The following VWA8 variants were observed in gnomAD, a reference collection of about 807,000 sequenced individuals.
VWA8 encodes the protein von Willebrand factor A domain-containing protein 8.
A neutral mutation model predicts 241.5 loss-of-function variants in VWA8; 221 were observed. That is an observed-to-expected ratio of 0.91 (90% CI 0.82 to 1.02). The LOEUF (loss-of-function observed/expected upper bound fraction) is 1.02, where lower values mean the gene tolerates loss of function less well. Ranked by LOEUF, VWA8 falls within the 50% of genes least tolerant of loss-of-function variation. The pLI is 0.00. For missense variants in VWA8, 2,322 were observed against 2,328.7 expected (o/e 1.00, Z 0.06); for synonymous variants, 852 against 827.1 (o/e 1.03, Z -0.52).
rs572137307 is a variant in VWA8, at chr13:41,747,113, A to G, written c.2426+14015T>C. Among the ~76,000 whole-genome samples, 42 of 152,320 alleles carry G rather than the reference A, an allele frequency of 2.8e-4. No individual in the cohort carries two copies. The South Asian group carries it at 5.4e-3, about 20-fold the overall frequency. On this transcript the variant is annotated intron_variant, in intron 21 of 44. Transcript: ENST00000379310. The stretch of plus-strand genomic sequence containing the variant: ...TTTGGTTCCATATGAACTTTAAAGC[A>G]GTTTTTTCCAGTTCTGTGAAGAAAG...
chr13:41,926,734 T>C (rs1345342822), intron 2 of VWA8: 2 of 537,882 alleles, frequency 3.7e-6, no homozygotes, highest in Non-Finnish European at 7.6e-6. Flanking sequence ...CCTATGATAC[T>C]GACTTCACCC....
At position 41,627,772 on chromosome 13, in the gene VWA8, G is replaced by A. The variant is rs113161993; in HGVS notation, c.4612-12688C>T. The stretch of plus-strand genomic sequence containing the variant: ...TCAAGAAACTACCCTGCCTCCACTA[G>A]ATAGAGCAGAGTGAGAGTTCCGTGA... On this transcript the variant is annotated intron_variant, in intron 37 of 44. Coordinates refer to ENST00000379310, the MANE Select transcript of VWA8 (RefSeq NM_015058.2). Among the ~76,000 whole-genome samples the A allele has an allele frequency of 4.0e-3, 608 of 152,192 alleles. 2 individuals are homozygous for A. Among genetic ancestry groups the A allele is most frequent in the African/African-American group, 0.014 (579 of 41,540 alleles).
At chr13:41,833,282 A>G in intron 13 of VWA8, 89 bp downstream of exon 13, 4 of 1,423,524 alleles carry the variant, frequency 2.8e-6, no homozygotes, top group Non-Finnish European at 3.7e-6. Flanking sequence ...CAGTTTAAAA[A>G]AAAGAAAAAG....
intron 23 of VWA8, among the ~76,000 whole-genome samples, chr13:41,728,884 T>C (rs2045458617): frequency 1.3e-5 from 2 of 152,240 alleles, no homozygotes; most frequent in South Asian, 4.1e-4. Context: ...GTTGGCTATA[T>C]ATTTTCAATG....
At chr13:41,910,669 A>G (rs1202265723) in intron 3 of VWA8, among the ~76,000 whole-genome samples, 1 of 152,090 alleles carries the variant, frequency 6.6e-6, no homozygotes, top group Non-Finnish European at 1.5e-5. Flanking sequence ...TAGATAAGAC[A>G]CTTTTACCTT....
rs1308044617 is a variant in VWA8, at chr13:41,891,411, T to G, written c.651+9A>C. The G allele has an allele frequency of 6.2e-7, 1 of 1,614,046 alleles. No homozygotes were observed. The highest frequency in any genetic ancestry group is 2.2e-5 in the East Asian group (1 of 44,886). On this transcript the variant is annotated intron_variant, in intron 5 of 44. Transcript: ENST00000379310. The stretch of plus-strand genomic sequence containing the variant: ...GCAAAGACAAAGCAACAGGATTTTC[T>G]TTTCTTACTCGGAGAAGTTTGTCGT...
intron 21 of VWA8, among the ~76,000 whole-genome samples, chr13:41,738,337 C>T (rs2149487): frequency 0.76 from 115,097 of 151,786 alleles, 44,750 homozygotes; most frequent in East Asian, 0.89. Flanking sequence ...CATAGAATAT[C>T]ATCTGTGATG....
rs186147429 is a variant in VWA8 at position 41,920,794 on chromosome 13, T to A, written c.242-8626A>T. Among the ~76,000 whole-genome samples the A allele has an allele frequency of 3.7e-3, 558 of 152,264 alleles. 2 individuals carry two copies. Among genetic ancestry groups the A allele is most frequent in the African/African-American group, 0.013 (528 of 41,556 alleles). ...ACAAGCTCTGAAATTGAGGCAATAA[T>A]AGGCTACCAACCAAAAAAAGTCCAG... On this transcript the variant is annotated intron_variant, in intron 2 of 44. Coordinates refer to ENST00000379310, the MANE Select transcript of VWA8 (RefSeq NM_015058.2).
chr13:41,936,549 T>C (rs946898485), intron 2 of VWA8, among the ~76,000 whole-genome samples: 10 of 152,216 alleles, frequency 6.6e-5, no homozygotes, highest in Non-Finnish European at 1.5e-4. Flanking sequence ...AATTGCCACA[T>C]GGATCCACAG....
intron 2 of VWA8, among the ~76,000 whole-genome samples, chr13:41,933,961 T>C (rs1450919650): frequency 6.6e-6 from 1 of 151,938 alleles, no homozygotes; most frequent in East Asian, 1.9e-4. Flanking sequence ...AAGTAAAAAC[T>C]TAGTAAGTTG....
At chr13:41,598,319 T>C (rs1333287415) in intron 40 of VWA8, among the ~76,000 whole-genome samples, 1 of 152,078 alleles carries the variant, frequency 6.6e-6, no homozygotes, top group Non-Finnish European at 1.5e-5. Context: ...TCTTGATTTT[T>C]GTTTAATTTT....
intron 31 of VWA8, 132 bp from the exon 32 acceptor site, chr13:41,691,577 A>C: frequency 8.0e-7 from 1 of 1,256,868 alleles, no homozygotes; most frequent in Non-Finnish European, 1.1e-6. Context: ...AATATAGAAA[A>C]ATGTTAATTA....
chr13:41,699,354 AAT>A (rs2045235593), intron 28 of VWA8, 84 bp from the exon 29 acceptor site: 10 of 1,288,034 alleles, frequency 7.8e-6, no homozygotes. Flanking sequence ...CTGAATCATG[AAT>A]ACACAGCTGG....
At chr13:41,585,878 A>G (rs1007047832) in intron 42 of VWA8, among the ~76,000 whole-genome samples, 2 of 150,580 alleles carry the variant, frequency 1.3e-5, no homozygotes, top group African/African-American at 4.9e-5. Flanking sequence ...AAAAAAAAAA[A>G]AGAAAAAGAA....
At chr13:41,877,731 C>G (rs374706089) in intron 9 of VWA8, among the ~76,000 whole-genome samples, 15 of 152,138 alleles carry the variant, frequency 9.9e-5, no homozygotes, top group South Asian at 6.2e-4. Context: ...TTAACTGAGA[C>G]CAAGAGCCAA....
intron 37 of VWA8, among the ~76,000 whole-genome samples, chr13:41,662,875 G>A (rs2044961045): frequency 6.6e-6 from 1 of 151,966 alleles, no homozygotes; most frequent in African/African-American, 2.4e-5. Flanking sequence ...TGATTTTACA[G>A]ATGCCCTTTA....
intron 21 of VWA8, among the ~76,000 whole-genome samples, chr13:41,743,404 G>A (rs1174588756): frequency 1.3e-5 from 2 of 152,200 alleles, no homozygotes; most frequent in East Asian, 1.9e-4. Context: ...CCCATTAGCT[G>A]TTGGCTGTAG....
chr13:41,822,496 T>C (rs1003374287), intron 14 of VWA8, among the ~76,000 whole-genome samples: 22 of 152,164 alleles, frequency 1.4e-4, no homozygotes, highest in African/African-American at 5.1e-4. Flanking sequence ...AGTGTAATAC[T>C]TGGGGAAGAA....
chr13:41,653,675 A>G (rs2044883123), intron 37 of VWA8, among the ~76,000 whole-genome samples: 2 of 152,248 alleles, frequency 1.3e-5, no homozygotes, highest in Admixed American at 6.5e-5. Flanking sequence ...ACAAGGCTAC[A>G]GTAACCAAAA....
Sources: allele counts gnomAD v4.1 joint callset (sites outside exome capture counted in the v4.1 genomes callset), GRCh38; gene constraint gnomAD v4.1.1; transcripts MANE v1.5; gene names NCBI Gene and HGNC (gene_info 2026-07-23, HGNC 2026-07-21).